The following VPS8 variants were observed in gnomAD, a reference collection of about 807,000 sequenced individuals.
VPS8 encodes the protein vacuolar protein sorting-associated protein 8 homolog.
VPS8 carries 129 observed loss-of-function variants against 216.4 expected under a neutral mutation model. The observed-to-expected ratio is 0.60, with a 90% CI of 0.52 to 0.69. The LOEUF (loss-of-function observed/expected upper bound fraction) is 0.69, where lower values mean the gene tolerates loss of function less well. VPS8 is among the 30% of genes least tolerant of loss of function. The pLI, the probability that VPS8 is intolerant of heterozygous loss-of-function variation, is 0.00. For synonymous variants in VPS8, 571 were observed against 565.4 expected, an observed-to-expected ratio of 1.01 and a Z score of -0.14; for missense variants, 1,531 against 1,683.5, an observed-to-expected ratio of 0.91 and a Z score of 1.59.
intron 30 of VPS8, 98 bp downstream of exon 30, chr3:184,925,079 A>C (rs1366992961): frequency 1.4e-6 from 2 of 1,456,914 alleles, no homozygotes; most frequent in African/African-American, 2.8e-5. Context: ...CTATTGGGTA[A>C]ATACCTTATC....
At chr3:185,004,286 C>G (rs1032967831) in intron 45 of VPS8, among the ~76,000 whole-genome samples, 1 of 152,202 alleles carries the variant, frequency 6.6e-6, no homozygotes. Flanking sequence ...GAGACCAGCC[C>G]GGCCAACACA....
At position 185,052,238 on chromosome 3, in the gene VPS8, C is replaced by A. The variant is rs1714410415; in HGVS notation, c.*213C>A. The A allele has an allele frequency of 2.1e-6, 1 of 471,168 alleles. No individual in the cohort carries two copies. Among genetic ancestry groups the A allele is most frequent in the Non-Finnish European group, 3.7e-6 (1 of 272,646 alleles). The allele number at this position is 471,168 out of a possible 1,614,324, so 29.2% of individuals were successfully genotyped here. ...GCTGTCATGGCGTCAGTTCACCAGA[C>A]TCATTGATTTTGTTTTGCTTGTTAA... is the stretch of plus-strand genomic sequence containing the variant. On this transcript the variant is annotated 3_prime_UTR_variant, in exon 48 of 48. Coordinates refer to ENST00000625842, the MANE Select transcript of VPS8 (RefSeq NM_001009921.3).
intron 9 of VPS8, chr3:184,849,699 G>T: frequency 2.0e-6 from 1 of 511,330 alleles, no homozygotes; most frequent in Non-Finnish European, 3.4e-6. Flanking sequence ...CTCAGTATGA[G>T]AACAACATTT....
intron 4 of VPS8, among the ~76,000 whole-genome samples, chr3:184,834,104 A>T (rs1342060477): frequency 6.6e-6 from 1 of 152,264 alleles, no homozygotes; most frequent in African/African-American, 2.4e-5. Flanking sequence ...GAAGATTGAG[A>T]GGGTGGTCAT....
In VPS8 at chr3:184,864,808, C is replaced by A. The variant is rs536157590; in HGVS notation, c.1395+1741C>A. 5.9e-5 allele frequency among the ~76,000 whole-genome samples: 9 copies of A among 152,196 alleles called. No homozygotes were observed. The East Asian group carries it at 1.7e-3, about 29-fold the overall frequency. On this transcript the variant is annotated intron_variant, in intron 16 of 47. Transcript: ENST00000625842. ...AACAAGGTAAAATTCACAATGTCTC[C>A]CATCCAATTAGAGATTACTAGGTAT... is the stretch of plus-strand genomic sequence containing the variant.
chr3:184,870,771 A>G lies in VPS8; in HGVS notation c.1700A>G (p.Gln567Arg), dbSNP rs1411094220. ...ADRALKKCPD[Q>R]GKIQVMEQHF... ...CGAGCTCTGAAAAAGTGCCCAGACCAAGGAAAAATCCAAGTGATGGAGCAG... is the reference window on the plus strand; with the variant it reads ...CGAGCTCTGAAAAAGTGCCCAGACCGAGGAAAAATCCAAGTGATGGAGCAG... Residue 567 changes from glutamine (Q) to arginine (R), a missense_variant, in exon 21 of 48, where the codon CAA becomes CGA. By Grantham distance (43) the Gln-to-Arg change is conservative. Around this residue, in one of 3 missense-constraint regions of VPS8, gnomAD observed 1,318 missense variants for 1,468.4 expected, o/e 0.90. Transcript: ENST00000625842. 1.4e-5 allele frequency: 23 copies of G among 1,612,262 alleles called. No homozygotes were observed. Among genetic ancestry groups the G allele is most frequent in the Admixed American group, 3.3e-5 (2 of 59,798 alleles).
At chr3:184,928,805 TTTTC>T (rs746288523) in intron 32 of VPS8, among the ~76,000 whole-genome samples, 1 of 152,200 alleles carries the variant, frequency 6.6e-6, no homozygotes, top group African/African-American at 2.4e-5. Flanking sequence ...ATTTTAGATT[TTTTC>T]TTTAATATTT....
chr3:184,968,592 C>CT, intron 39 of VPS8, among the ~76,000 whole-genome samples: 1 of 152,184 alleles, frequency 6.6e-6, no homozygotes, highest in South Asian at 2.1e-4. Flanking sequence ...GAGGTAGTAT[C>CT]TAATTATGGA....
chr3:184,990,757 C>T (rs2109827018), intron 42 of VPS8, among the ~76,000 whole-genome samples: 1 of 152,164 alleles, frequency 6.6e-6, no homozygotes, highest in Non-Finnish European at 1.5e-5. Flanking sequence ...GTATCAGATC[C>T]CCACTGAAAA....
intron 24 of VPS8, among the ~76,000 whole-genome samples, chr3:184,899,360 C>A (rs1360500562): frequency 6.6e-6 from 1 of 152,194 alleles, no homozygotes; most frequent in East Asian, 1.9e-4. Context: ...ATCCAGTCAA[C>A]CATTTAGCTA....
At chr3:184,888,993 GA>G (rs948533055) in intron 22 of VPS8, among the ~76,000 whole-genome samples, 1 of 152,028 alleles carries the variant, frequency 6.6e-6, no homozygotes, top group African/African-American at 2.4e-5. Flanking sequence ...ATTATATAGG[GA>G]AAAAAATTGA....
Position 184,868,069 on chromosome 3 carries a change from A to C in VPS8, c.1506+10A>C, listed in dbSNP as rs772445515. The C allele has an allele frequency of 6.8e-6, 11 of 1,612,516 alleles. No individual in the cohort carries two copies. In the South Asian group the frequency reaches 1.2e-4, roughly 18 times the overall value. On this transcript the variant is annotated intron_variant, in intron 18 of 47. Coordinates refer to ENST00000625842, the MANE Select transcript of VPS8 (RefSeq NM_001009921.3). Reference sequence around the variant, plus strand: ...GAGGAGCTGGAGAGAGGTGAGTTCCAAGTAATTTCACATGTCAGAGTTACT... The same window carrying C: ...GAGGAGCTGGAGAGAGGTGAGTTCCCAGTAATTTCACATGTCAGAGTTACT...
At chr3:185,020,486 C>A (rs1454678535) in intron 45 of VPS8, among the ~76,000 whole-genome samples, 1 of 115,174 alleles carries the variant, frequency 8.7e-6, no homozygotes, top group African/African-American at 3.6e-5. Context: ...TTTTTTTTTG[C>A]ATTTAAAAAG....
intron 14 of VPS8, among the ~76,000 whole-genome samples, chr3:184,858,184 A>G (rs1282234469): frequency 1.3e-5 from 2 of 152,192 alleles, no homozygotes; most frequent in East Asian, 3.9e-4. Context: ...TTGGAGCAGA[A>G]GGGGAAGAAG....
intron 40 of VPS8, among the ~76,000 whole-genome samples, chr3:184,975,980 T>C (rs1350843695): frequency 6.6e-6 from 1 of 152,150 alleles, no homozygotes; most frequent in Non-Finnish European, 1.5e-5. Flanking sequence ...AATTTGCATA[T>C]GCCTTTGTCC....
intron 25 of VPS8, among the ~76,000 whole-genome samples, chr3:184,909,315 T>G (rs932424979): frequency 1.3e-5 from 2 of 152,240 alleles, no homozygotes; most frequent in African/African-American, 4.8e-5. Flanking sequence ...TTAGTTAATT[T>G]CAAGAGTTCT....
At chr3:184,927,082 C>T (rs1224088674) in intron 31 of VPS8, among the ~76,000 whole-genome samples, 2 of 152,156 alleles carry the variant, frequency 1.3e-5, no homozygotes, top group East Asian at 3.8e-4. Context: ...GCTGACCATT[C>T]TGGAGACTAG....
chr3:184,875,611 A>G (rs1185732814), intron 21 of VPS8, among the ~76,000 whole-genome samples: 1 of 151,998 alleles, frequency 6.6e-6, no homozygotes, highest in Admixed American at 6.6e-5. Flanking sequence ...GCAGCAAACA[A>G]ATTCTTTTGT....
chr3:184,967,516 C>G (rs1747619594), intron 39 of VPS8, among the ~76,000 whole-genome samples: 1 of 152,002 alleles, frequency 6.6e-6, no homozygotes, highest in African/African-American at 2.4e-5. Context: ...TCATCATATT[C>G]CTTGATATTT....
Sources: gnomAD v4.1 joint callset for allele counts (sites outside exome capture counted in the v4.1 genomes callset) on GRCh38, gnomAD v4.1.1 for gene constraint, gnomAD v4.1.1 regional missense constraint, MANE v1.5 for transcripts, NCBI Gene and HGNC (gene_info 2026-07-23, HGNC 2026-07-21) for gene names.